The following SERINC4 variants were observed in gnomAD, a reference collection of about 807,000 sequenced individuals.
SERINC4 encodes serine incorporator 4.
In SERINC4, 52 loss-of-function variants were observed where a neutral mutation model predicts 52.0. That is an observed-to-expected ratio of 1.00 (90% CI 0.80 to 1.26). SERINC4 has a LOEUF of 1.26. Among genes scored for constraint, SERINC4 ranks in the 50% most tolerant of loss-of-function variants. The probability of loss-of-function intolerance (pLI) is 0.00; values close to 1 mark genes in which losing one functional copy is unlikely to be tolerated. For synonymous variants in SERINC4, 264 were observed against 247.7 expected (o/e 1.07, Z -0.62); for missense variants, 723 against 632.8 (o/e 1.14, Z -1.53).
In SERINC4 at chr15:43,798,492, G is replaced by A; in HGVS notation, c.471C>T (p.Leu157=). The change falls in exon 4 of 12, where the codon CTC becomes CTT. Residue 157 remains leucine (L), a synonymous_variant. Transcript: ENST00000319327. The part of the protein sequence containing the change: ...RAQLHNSFWL[L]KLLFLLGLCA... Reference sequence around the variant, plus strand: ...AGAGACCTAACAGGAACAGCAGCTTGAGGAGCCAGAAGCTGGTTAGGAGGG... The same window carrying A: ...AGAGACCTAACAGGAACAGCAGCTTAAGGAGCCAGAAGCTGGTTAGGAGGG... 4 of 1,613,198 alleles carry A rather than the reference G, an allele frequency of 2.5e-6. No individual in the cohort carries two copies. Among genetic ancestry groups the A allele is most frequent in the Non-Finnish European group, 2.5e-6 (3 of 1,179,156 alleles).
chr15:43,797,599 G>A (rs2087240474), intron 5 of SERINC4: 3 of 518,674 alleles, frequency 5.8e-6, no homozygotes, highest in Non-Finnish European at 1.0e-5. Flanking sequence ...CACCATGTTG[G>A]CCAGGCTGGT....
rs2087153165 is a variant in SERINC4 at position 43,794,425 on chromosome 15, C to G, written c.*575G>C. 1 of 163,288 alleles carries G rather than the reference C, an allele frequency of 6.1e-6. No individual in the cohort carries two copies. 10.1% of individuals were successfully genotyped at this position (163,288 alleles called of 1,614,324 possible). A position where few individuals can be genotyped will look rare whatever the true frequency, so the allele number is the denominator to read the frequency against. On this transcript the variant is annotated 3_prime_UTR_variant, in exon 12 of 12. Transcript: ENST00000319327. ...AAAAAATCCTGCTGCTCACCGACTT[C>G]CCGTGGTCAGCTGCTGTCAAGCGTT...
In SERINC4 at chr15:43,798,517, G is replaced by A; in HGVS notation, c.459-13C>T. The A allele has an allele frequency of 1.9e-6, 3 of 1,605,438 alleles. No homozygotes were observed. The highest frequency in any genetic ancestry group is 2.6e-6 in the Non-Finnish European group (3 of 1,172,200). ...GAGGAGCCAGAAGCTGGTTAGGAGG[G>A]AGAAAGAAAAACAGACTCAGGAGAA... On this transcript the variant is annotated splice_polypyrimidine_tract_variant and intron_variant, in intron 3 of 11. Transcript: ENST00000319327.
At position 43,797,087 on chromosome 15, in the gene SERINC4, A is replaced by G. The variant is rs1336081326; in HGVS notation, c.844+58T>C. The stretch of plus-strand genomic sequence containing the variant: ...AATAATTGAGATTAGGGAGGTAATG[A>G]AACTTGCTATGCTTTTAAGGCCCCC... On this transcript the variant is annotated intron_variant, in intron 6 of 11. Transcript: ENST00000319327. The G allele has an allele frequency of 4.7e-6, 7 of 1,492,776 alleles. No individual in the cohort carries two copies. In the East Asian group the frequency reaches 1.5e-4, roughly 31 times the overall value. 92.5% of individuals were successfully genotyped at this position (1,492,776 alleles called of 1,614,324 possible).
chr15:43,796,801 CA>C (rs770688042), intron 7 of SERINC4, 43 bp downstream of exon 7: 11 of 1,608,950 alleles, frequency 6.8e-6, no homozygotes, highest in Non-Finnish European at 9.3e-6. Flanking sequence ...TTGGCAGGGG[CA>C]AAAAAAGGTC....
At chr15:43,797,734 T>A in intron 5 of SERINC4, 186 bp downstream of exon 5, 1 of 583,596 alleles carries the variant, frequency 1.7e-6, no homozygotes, top group East Asian at 2.9e-5. Context: ...TCCCCTGCTC[T>A]CAGAAGACTG....
At position 43,799,378 on chromosome 15, in the gene SERINC4, C is replaced by A. The variant is rs1365989654; in HGVS notation, c.211G>T (p.Ala71Ser). ...AGCAGGAGGCAGCAGATTGCTGAGG[C>A]CCCCACATGGAGGAGGATGTAGAAC... The part of the protein sequence containing the change: ...RLFYILLHVG[A>S]SAICCLLLSR... The change falls in exon 2 of 12, where the codon GCC becomes TCC. Residue 71 changes from alanine (A) to serine (S), a missense_variant. By Grantham distance (99) the Ala-to-Ser change is moderately conservative. Transcript: ENST00000319327. The A allele has an allele frequency of 1.9e-6, 3 of 1,551,054 alleles. No homozygotes were observed. Among genetic ancestry groups the A allele is most frequent in the Admixed American group, 3.9e-5 (2 of 50,994 alleles).
chr15:43,795,921 G>C (rs754908195), intron 9 of SERINC4, 185 bp from the exon 10 acceptor site: 5 of 658,956 alleles, frequency 7.6e-6, no homozygotes, highest in East Asian at 5.5e-5. Context: ...TTTGTGCCTC[G>C]ATTTCTCCAT....
chr15:43,797,041 GA>G (rs1382009902), intron 6 of SERINC4, 101 bp from the exon 7 acceptor site: 1 of 1,454,360 alleles, frequency 6.9e-7, no homozygotes, highest in Non-Finnish European at 9.6e-7. Context: ...TGGGGATAGG[GA>G]AGCAGAGATT....
Position 43,799,399 on chromosome 15 carries a change from A to G in SERINC4, c.190T>C (p.Tyr64His), listed in dbSNP as rs1256247886. Residue 64 changes from tyrosine (Y) to histidine (H), a missense_variant, in exon 2 of 12, where the codon TAC becomes CAC. By Grantham distance (83) the Tyr-to-His change is moderately conservative. Coordinates refer to ENST00000319327, the MANE Select transcript of SERINC4 (RefSeq NM_001258031.2). ...GAGGCCCCCACATGGAGGAGGATGT[A>G]GAACAGGCGGCTGCAAGTGGATGCG... ...LTASTCSRLF[Y>H]ILLHVGASAI... 6 of 1,550,976 alleles carry G rather than the reference A, an allele frequency of 3.9e-6. No homozygotes were observed. The highest frequency in any genetic ancestry group is 5.2e-6 in the Non-Finnish European group (6 of 1,147,066).
At chr15:43,796,303 AT>A in intron 8 of SERINC4, 76 bp from the exon 9 acceptor site, 1 of 1,106,616 alleles carries the variant, frequency 9.0e-7, no homozygotes, top group Non-Finnish European at 1.4e-6. Flanking sequence ...CAATTGGTCC[AT>A]ACTGGTAATC....
At chr15:43,799,162 GC>G in intron 2 of SERINC4, 25 bp from the exon 3 acceptor site, 4 of 1,542,040 alleles carry the variant, frequency 2.6e-6, no homozygotes, top group Non-Finnish European at 3.5e-6. Context: ...GAGAGAAATG[GC>G]AGGACAAGTC....
At chr15:43,795,304 T>A in intron 11 of SERINC4, 84 bp downstream of exon 11, 2 of 1,577,394 alleles carry the variant, frequency 1.3e-6, no homozygotes, top group Non-Finnish European at 1.7e-6. Context: ...GGCAGACCCA[T>A]GTGTGTCTGG....
chr15:43,799,257 G>A, intron 2 of SERINC4, 53 bp downstream of exon 2: 1 of 1,528,440 alleles, frequency 6.5e-7, no homozygotes, highest in Non-Finnish European at 8.9e-7. Context: ...TTCTATCTTA[G>A]GGTTTTTCCT....
At chr15:43,798,886 G>A (rs2141695289) in intron 3 of SERINC4, 73 bp downstream of exon 3, 2 of 1,448,350 alleles carry the variant, frequency 1.4e-6, no homozygotes, top group Middle Eastern at 1.7e-4. Flanking sequence ...ACTTCATCCC[G>A]GAATTTCCTT....
intron 2 of SERINC4, 76 bp downstream of exon 2, chr15:43,799,234 C>T (rs1265145745): frequency 1.3e-6 from 2 of 1,512,332 alleles, no homozygotes; most frequent in Non-Finnish European, 1.8e-6. Context: ...CTCCTGCCCC[C>T]AACCGAAACC....
chr15:43,797,122 A>C, intron 6 of SERINC4, 23 bp downstream of exon 6: 1 of 1,547,758 alleles, frequency 6.5e-7, no homozygotes, highest in Non-Finnish European at 8.7e-7. Flanking sequence ...CAAAACCTGG[A>C]ATGCTGTAGG....
chr15:43,799,474 C>G lies in SERINC4; in HGVS notation c.115G>C (p.Gly39Arg). The change falls in exon 2 of 12, where the codon GGG (glycine) becomes CGG (arginine). Residue 39 changes from glycine to arginine, a missense_variant. By Grantham distance (125) the Gly-to-Arg change is moderately radical (BLOSUM62 -2). Transcript: ENST00000319327. ...CAGCAGCTGGCACAAGGAGCAGGCC[C>G]ACAGCAGCACACCTGGGAGTAGAGC... ...KSPFCQVCCC[G>R]PAPCASCCHS... 1 of 1,550,776 alleles carries G rather than the reference C, an allele frequency of 6.4e-7. No homozygotes were observed. The highest frequency in any genetic ancestry group is 8.7e-7 in the Non-Finnish European group (1 of 1,147,042).
intron 8 of SERINC4, 83 bp from the exon 9 acceptor site, chr15:43,796,310 T>C: frequency 9.4e-7 from 1 of 1,061,014 alleles, no homozygotes; most frequent in Non-Finnish European, 1.5e-6. Flanking sequence ...TCCATACTGG[T>C]AATCCTCAAA....
Sources: gnomAD v4.1 joint callset for allele counts on GRCh38, gnomAD v4.1.1 for gene constraint, MANE v1.5 for transcripts, NCBI Gene and HGNC (gene_info 2026-07-23, HGNC 2026-07-21) for gene names.